Variants in RAPGEF1 observed in about 807,000 individuals in gnomAD.
RAPGEF1 encodes Rap guanine nucleotide exchange factor 1, also known as CRK SH3-binding GNRP.
A neutral mutation model predicts 143.3 loss-of-function variants in RAPGEF1; 33 were observed. The observed-to-expected ratio is 0.23, with a 90% confidence interval of 0.17 to 0.31. The LOEUF is 0.31. RAPGEF1 is among the 10% of genes least tolerant of loss of function. The pLI, the probability that RAPGEF1 is intolerant of heterozygous loss-of-function variation, is 1.00. For synonymous variants in RAPGEF1, 629 were observed against 676.5 expected, an observed-to-expected ratio of 0.93 and a Z score of 1.09; for missense variants, 1,199 against 1,645.4, an observed-to-expected ratio of 0.73 and a Z score of 4.69.
At chr9:131,707,400 A>G (rs1255087846) in intron 1 of RAPGEF1, among the ~76,000 whole-genome samples, 1 of 152,146 alleles carries the variant, frequency 6.6e-6, no homozygotes, top group Non-Finnish European at 1.5e-5. Flanking sequence ...TTAGGTCCCC[A>G]TTTATTTATA....
intron 22 of RAPGEF1, among the ~76,000 whole-genome samples, chr9:131,585,360 G>T (rs571298451): frequency 8.7e-6 from 1 of 114,566 alleles, no homozygotes; most frequent in African/African-American, 3.4e-5. Flanking sequence ...TTAATTTTTT[G>T]TAGGGGGGGG....
intron 1 of RAPGEF1, among the ~76,000 whole-genome samples, chr9:131,735,164 G>A (rs965194177): frequency 1.3e-5 from 2 of 152,252 alleles, no homozygotes; most frequent in African/African-American, 2.4e-5. Context: ...CAGGCCCTCA[G>A]GAGGTTGCTC....
chr9:131,588,705 C>T, intron 20 of RAPGEF1, 96 bp downstream of exon 20: 1 of 1,319,478 alleles, frequency 7.6e-7, no homozygotes, highest in Non-Finnish European at 1.0e-6. Context: ...CTGTGCAGAA[C>T]CAGGATGGGG....
chr9:131,587,652 A>T (rs11794453), intron 22 of RAPGEF1, 84 bp downstream of exon 22: 418,375 of 1,269,428 alleles, frequency 0.33, 73,191 homozygotes, highest in Non-Finnish European at 0.36. Context: ...CCTACCATTC[A>T]AGCTCCCTGC....
At position 131,650,044 on chromosome 9, in the gene RAPGEF1, G is replaced by A. The variant is rs7851018; in HGVS notation, c.315+85C>T. On this transcript the variant is annotated intron_variant, in intron 3 of 26. Coordinates refer to ENST00000683357, the MANE Select transcript of RAPGEF1 (RefSeq NM_001377935.1). The surrounding 1 kb of genome is among the most constrained non-coding windows in gnomAD (Gnocchi z 4.7). Reference sequence around the variant, plus strand: ...AGTTGAACATAATAATAGTGCAATAGAGTTTTTTCCATCCCCAAAACCATG... The same window carrying A: ...AGTTGAACATAATAATAGTGCAATAAAGTTTTTTCCATCCCCAAAACCATG... The A allele has an allele frequency of 7.5e-4, 825 of 1,102,450 alleles. 3 individuals are homozygous for A. In the African/African-American group the frequency reaches 0.012, roughly 16 times the overall value. 68.3% of individuals were successfully genotyped at this position (1,102,450 alleles called of 1,614,324 possible). A position where few individuals can be genotyped will look rare whatever the true frequency, so the allele number is the denominator to read the frequency against.
chr9:131,678,514 G>A (rs1462053644), intron 1 of RAPGEF1, among the ~76,000 whole-genome samples: 1 of 152,170 alleles, frequency 6.6e-6, no homozygotes, highest in Non-Finnish European at 1.5e-5. Flanking sequence ...ACTAGTATAA[G>A]CCAGTGTGCT....
chr9:131,720,663 T>C (rs560561338), intron 1 of RAPGEF1, among the ~76,000 whole-genome samples: 1 of 152,330 alleles, frequency 6.6e-6, no homozygotes, highest in South Asian at 2.1e-4. Flanking sequence ...AGTTATCAAT[T>C]TGTCACAAAC....
At chr9:131,588,056 C>T in intron 20 of RAPGEF1, 30 bp from the exon 21 acceptor site, 1 of 1,588,138 alleles carries the variant, frequency 6.3e-7, no homozygotes, top group East Asian at 2.3e-5. Context: ...GAAGAGCCGT[C>T]AGGGGTGGGG....
chr9:131,619,259 AG>A, intron 11 of RAPGEF1, 53 bp from the exon 12 acceptor site: 1 of 1,274,784 alleles, frequency 7.8e-7, no homozygotes, highest in Non-Finnish European at 1.0e-6. Flanking sequence ...AGAGAAGCAG[AG>A]AACAGTCAGG....
intron 15 of RAPGEF1, 111 bp from the exon 16 acceptor site, chr9:131,598,421 C>CATCGGGGCAGGCATGT: frequency 1.2e-6 from 1 of 831,118 alleles, no homozygotes; most frequent in Non-Finnish European, 2.0e-6. Context: ...CGGAACATGC[C>CATCGGGGCAGGCATGT]TGCCCCGATG....
intron 24 of RAPGEF1, 140 bp from the exon 25 acceptor site, chr9:131,582,842 A>G (rs1588153809): frequency 3.0e-6 from 2 of 656,394 alleles, no homozygotes; most frequent in Non-Finnish European, 5.0e-6. Context: ...ACGCACAAAC[A>G]CCCAGCCAGG....
intron 3 of RAPGEF1, among the ~76,000 whole-genome samples, chr9:131,647,073 T>A (rs1969857963): frequency 6.6e-6 from 1 of 152,202 alleles, no homozygotes; most frequent in Non-Finnish European, 1.5e-5. Flanking sequence ...AATTATACCT[T>A]TGGACACCCA....
At chr9:131,682,710 T>C (rs1388299865) in intron 1 of RAPGEF1, among the ~76,000 whole-genome samples, 1 of 152,166 alleles carries the variant, frequency 6.6e-6, no homozygotes, top group African/African-American at 2.4e-5. Flanking sequence ...AAGGAGGATT[T>C]GGAAGCACAA....
chr9:131,649,314 C>CA (rs1970512006), intron 3 of RAPGEF1, among the ~76,000 whole-genome samples: 1 of 150,382 alleles, frequency 6.6e-6, no homozygotes, highest in South Asian at 2.1e-4. Context: ...CTCAGCCTCC[C>CA]AAAGTGCTGG....
At position 131,739,921 on chromosome 9, in the gene RAPGEF1, G is replaced by A; in HGVS notation, c.-91C>T. On this transcript the variant is annotated 5_prime_UTR_variant, in exon 1 of 27. Coordinates refer to ENST00000683357, the MANE Select transcript of RAPGEF1 (RefSeq NM_001377935.1). ...CTCGCCACGCCTCAGACCCGCGCCG[G>A]CATGGCGGGCTCCGCGCGGCCGCGG... The A allele has an allele frequency of 1.3e-6, 1 of 750,180 alleles. No individual in the cohort carries two copies. Among genetic ancestry groups the A allele is most frequent in the Non-Finnish European group, 1.6e-6 (1 of 618,114 alleles). 46.5% of individuals were successfully genotyped at this position (750,180 alleles called of 1,614,324 possible).
rs892714684 is a variant in RAPGEF1 at position 131,737,266 on chromosome 9, TG to T, written c.61+2503del. ...TTCCTCCCACACTTTCCGCAGCTCC[TG>T]GTCAGCCCCTTCCCCTCTCTCCTCT... is the stretch of plus-strand genomic sequence containing the variant. On this transcript the variant is annotated intron_variant, in intron 1 of 26. Coordinates refer to ENST00000683357, the MANE Select transcript of RAPGEF1 (RefSeq NM_001377935.1). 5 of 1,392,642 alleles carry T rather than the reference TG, an allele frequency of 3.6e-6. No individual in the cohort carries two copies. The Admixed American group carries it at 9.1e-5, about 25-fold the overall frequency. 86.3% of individuals were successfully genotyped at this position (1,392,642 alleles called of 1,614,324 possible).
In RAPGEF1 at chr9:131,698,356, G is replaced by A. The variant is rs533912728; in HGVS notation, c.61+41414C>T. 2.0e-5 allele frequency among the ~76,000 whole-genome samples: 3 copies of A among 152,328 alleles called. No homozygotes were observed. The South Asian group carries it at 6.2e-4, about 32-fold the overall frequency. Reference sequence around the variant, plus strand: ...AGAGACCAGTTTAGGTCCCAATTCTGCCACTTACTAGCTGCATGATCTTGA... The same window carrying A: ...AGAGACCAGTTTAGGTCCCAATTCTACCACTTACTAGCTGCATGATCTTGA... On this transcript the variant is annotated intron_variant, in intron 1 of 26. Coordinates refer to ENST00000683357, the MANE Select transcript of RAPGEF1 (RefSeq NM_001377935.1).
intron 20 of RAPGEF1, among the ~76,000 whole-genome samples, chr9:131,588,390 G>A (rs1953562480): frequency 1.3e-5 from 2 of 152,206 alleles, no homozygotes; most frequent in African/African-American, 2.4e-5. Flanking sequence ...AAGAAACGAA[G>A]GCTATGCGCT....
intron 1 of RAPGEF1, among the ~76,000 whole-genome samples, chr9:131,677,709 G>A (rs1832538693): frequency 6.6e-6 from 1 of 152,134 alleles, no homozygotes; most frequent in Admixed American, 6.5e-5. Flanking sequence ...TACGCTTAAG[G>A]GTCTTACTAA....
Sources: allele counts gnomAD v4.1 joint callset (sites outside exome capture counted in the v4.1 genomes callset), GRCh38; gene constraint gnomAD v4.1.1; non-coding constraint Gnocchi (gnomAD v3.1); transcripts MANE v1.5; gene names NCBI Gene and HGNC (gene_info 2026-07-23, HGNC 2026-07-21).